The following CACNG7 variants were observed in gnomAD, a reference collection of about 807,000 sequenced individuals.
CACNG7 encodes voltage-dependent calcium channel gamma-7 subunit.
In CACNG7, 9 loss-of-function variants were observed where a neutral mutation model predicts 26.3. The observed-to-expected ratio is 0.34, with a 90% CI of 0.21 to 0.60. The LOEUF (loss-of-function observed/expected upper bound fraction) is 0.60. Among genes scored for constraint, CACNG7 ranks in the 20% least tolerant of loss-of-function variants. The pLI, the probability that CACNG7 is intolerant of heterozygous loss-of-function variation, is 0.81. For missense variants in CACNG7, 297 were observed against 380.4 expected (o/e 0.78, Z 1.82); for synonymous variants, 170 against 157.0 (o/e 1.08, Z -0.62).
At chr19:53,919,054 G>A (rs1010468036) in intron 4 of CACNG7, among the ~76,000 whole-genome samples, 4 of 152,236 alleles carry the variant, frequency 2.6e-5, no homozygotes, top group African/African-American at 9.6e-5. Context: ...GCAGGCGTGA[G>A]CCACCGCACG....
chr19:53,931,703 A>G (rs1019800584), intron 4 of CACNG7, among the ~76,000 whole-genome samples: 5 of 149,856 alleles, frequency 3.3e-5, no homozygotes, highest in African/African-American at 4.9e-5. Context: ...AAAAAAAAAA[A>G]AAAAAGAAAG....
In CACNG7 at chr19:53,909,644, C is replaced by G. The variant is rs1421593505; in HGVS notation, c.-30+127C>G. On this transcript the variant is annotated intron_variant, in intron 1 of 5. Coordinates refer to ENST00000391767, the MANE Select transcript of CACNG7 (RefSeq NM_031896.5). The surrounding 1 kb of genome is among the most constrained non-coding windows in gnomAD (Gnocchi z 5.1). ...GTGAGATCCTGGCGGTCGGGACGCCCGAATTCGAGCGGCTATGGGGGATGC... is the reference window on the plus strand; with the variant it reads ...GTGAGATCCTGGCGGTCGGGACGCCGGAATTCGAGCGGCTATGGGGGATGC... 6.6e-6 allele frequency: 1 copy of G among 152,262 alleles called. No homozygotes were observed. Among genetic ancestry groups the G allele is most frequent in the Non-Finnish European group, 1.5e-5 (1 of 68,134 alleles). 9.4% of individuals were successfully genotyped at this position (152,262 alleles called of 1,614,324 possible).
chr19:53,921,732 G>A (rs942232835), intron 4 of CACNG7, among the ~76,000 whole-genome samples: 1 of 103,748 alleles, frequency 9.6e-6, no homozygotes, highest in Non-Finnish European at 1.8e-5. Flanking sequence ...GCTGGTCATT[G>A]GTGGAGTTGC....
chr19:53,911,469 G>C (rs3826756), intron 1 of CACNG7, among the ~76,000 whole-genome samples: 26,392 of 152,104 alleles, frequency 0.17, 6,640 homozygotes, highest in African/African-American at 0.56. Context: ...GATGTTCCAG[G>C]ATTCCAGGTC....
chr19:53,926,835 C>T (rs2069034745), intron 4 of CACNG7, among the ~76,000 whole-genome samples: 1 of 152,172 alleles, frequency 6.6e-6, no homozygotes, highest in South Asian at 2.1e-4. Context: ...ATCACTTGAA[C>T]CTGGAAGGTG....
intron 4 of CACNG7, among the ~76,000 whole-genome samples, chr19:53,925,484 G>GCTGGTCATTGGTGGAGTTGCCCCAGGT (rs1568778559): frequency 3.4e-5 from 4 of 116,742 alleles, no homozygotes; most frequent in African/African-American, 1.1e-4. Context: ...GTTGCCCCAG[G>GCTGGTCATTGGTGGAGTTGCCCCAGGT]CTGGTCATTG....
chr19:53,935,441 G>C (rs561177242), intron 4 of CACNG7, among the ~76,000 whole-genome samples: 2 of 151,154 alleles, frequency 1.3e-5, no homozygotes, highest in African/African-American at 4.9e-5. Context: ...TTGTGCCTCA[G>C]CCTCCCAAAT....
chr19:53,915,829 T>A (rs976803439), intron 4 of CACNG7, among the ~76,000 whole-genome samples: 1 of 152,172 alleles, frequency 6.6e-6, no homozygotes. Context: ...ATGAAGTCAT[T>A]TGCTTAGGGC....
intron 4 of CACNG7, among the ~76,000 whole-genome samples, chr19:53,919,114 A>T (rs1449681454): frequency 6.6e-6 from 1 of 152,144 alleles, no homozygotes; most frequent in East Asian, 1.9e-4. Context: ...GCCAAATTTC[A>T]AATTTTCCCA....
intron 4 of CACNG7, among the ~76,000 whole-genome samples, chr19:53,935,172 C>T (rs1376424483): frequency 1.3e-5 from 2 of 152,124 alleles, no homozygotes; most frequent in Non-Finnish European, 2.9e-5. Context: ...GTTGCAAACA[C>T]TTCACTAGTT....
At chr19:53,941,934 G>T in intron 5 of CACNG7, 102 bp from the exon 6 acceptor site, 1 of 1,390,778 alleles carries the variant, frequency 7.2e-7, no homozygotes, top group South Asian at 1.5e-5. Context: ...ATAGGAAGGG[G>T]CTTGGGGTGG....
At chr19:53,928,139 A>G (rs2069046023) in intron 4 of CACNG7, among the ~76,000 whole-genome samples, 1 of 152,172 alleles carries the variant, frequency 6.6e-6, no homozygotes, top group Non-Finnish European at 1.5e-5. Flanking sequence ...AATGGCCAGA[A>G]AGAAAAAGCA....
At position 53,942,267 on chromosome 19, in the gene CACNG7, C is replaced by T; in HGVS notation, c.802C>T (p.Leu268=). 1 of 1,613,030 alleles carries T rather than the reference C, an allele frequency of 6.2e-7. No individual in the cohort carries two copies. Among genetic ancestry groups the T allele is most frequent in the South Asian group, 1.1e-5 (1 of 91,066 alleles). ...TCCCGCCATCAAGTACCCGGACCACCTGCACATCTCCACCTCGCCCTGCTG... is the reference window on the plus strand; with the variant it reads ...TCCCGCCATCAAGTACCCGGACCACTTGCACATCTCCACCTCGCCCTGCTG... ...YPPAIKYPDH[L]HISTSPC Residue 268 remains leucine, a synonymous_variant, in exon 6 of 6, where the codon CTG becomes TTG. Transcript: ENST00000391767. The surrounding 1 kb of genome is among the most constrained non-coding windows in gnomAD (Gnocchi z 5.9).
At chr19:53,937,797 G>A (rs1410125301) in intron 4 of CACNG7, among the ~76,000 whole-genome samples, 2 of 152,044 alleles carry the variant, frequency 1.3e-5, no homozygotes, top group African/African-American at 2.4e-5. Flanking sequence ...CACCACGGTG[G>A]CCAGGCTGGT....
At chr19:53,924,951 A>C (rs1387515662) in intron 4 of CACNG7, among the ~76,000 whole-genome samples, 1 of 135,110 alleles carries the variant, frequency 7.4e-6, no homozygotes, top group Non-Finnish European at 1.6e-5. Context: ...GAGTTGTCCC[A>C]GGCTGGTGAT....
At chr19:53,935,036 C>T (rs2069096443) in intron 4 of CACNG7, among the ~76,000 whole-genome samples, 1 of 151,966 alleles carries the variant, frequency 6.6e-6, no homozygotes, top group Non-Finnish European at 1.5e-5. Context: ...TATGTATACA[C>T]ATATTACATA....
intron 2 of CACNG7, among the ~76,000 whole-genome samples, chr19:53,914,103 G>A (rs986422968): frequency 4.6e-5 from 7 of 151,848 alleles, no homozygotes; most frequent in Non-Finnish European, 1.5e-5. Context: ...GTGAAACCCC[G>A]TCTCTACTAA....
chr19:53,912,890 G>T lies in CACNG7; in HGVS notation c.59G>T (p.Gly20Val). ...TLLSSVFGAC[G>V]LLLVGIAVST... The stretch of plus-strand genomic sequence containing the variant: ...CTGAGCAGCGTGTTTGGTGCGTGTG[G>T]CCTGCTCCTGGTAGGCATCGCGGTC... The change falls in exon 2 of 6, where the codon GGC becomes GTC. Residue 20 changes from glycine to valine, a missense_variant. By Grantham distance (109) the Gly-to-Val change is moderately radical (BLOSUM62 -3). Coordinates refer to ENST00000391767, the MANE Select transcript of CACNG7 (RefSeq NM_031896.5). This position sits in a 1 kb window ranked among gnomAD's most constrained non-coding sequence, Gnocchi z 4.6. 1 of 1,614,020 alleles carries T rather than the reference G, an allele frequency of 6.2e-7. No homozygotes were observed. Among genetic ancestry groups the T allele is most frequent in the Non-Finnish European group, 8.5e-7 (1 of 1,180,028 alleles).
At chr19:53,913,386 CCA>C (rs2068873079) in intron 2 of CACNG7, among the ~76,000 whole-genome samples, 1 of 151,824 alleles carries the variant, frequency 6.6e-6, no homozygotes, top group Non-Finnish European at 1.5e-5. Context: ...CTTTGGGAGG[CCA>C]AGGCAGGAGT....
Sources: gnomAD v4.1 joint callset for allele counts (sites outside exome capture counted in the v4.1 genomes callset) on GRCh38, gnomAD v4.1.1 for gene constraint, Gnocchi (gnomAD v3.1) non-coding constraint, MANE v1.5 for transcripts, NCBI Gene and HGNC (gene_info 2026-07-23, HGNC 2026-07-21) for gene names.